SH3TC1: variants seen among roughly 807,000 people sequenced by gnomAD.
SH3TC1 encodes the protein SH3 domain and tetratricopeptide repeat-containing protein 1.
SH3TC1 carries 135 observed loss-of-function variants against 117.3 expected under a neutral mutation model. That is an observed-to-expected ratio of 1.15 (90% CI 1.00 to 1.33). The LOEUF is 1.33. Among genes scored for constraint, SH3TC1 ranks in the 40% most tolerant of loss-of-function variants. The probability of loss-of-function intolerance (pLI) is 0.00; values close to 1 mark genes in which losing one functional copy is unlikely to be tolerated. For missense variants in SH3TC1, 2,092 were observed against 1,794.3 expected, an observed-to-expected ratio of 1.17 and a Z score of -3.00; for synonymous variants, 898 against 816.9, an observed-to-expected ratio of 1.10 and a Z score of -1.69.
intron 1 of SH3TC1, among the ~76,000 whole-genome samples, chr4:8,188,114 A>T (rs1717286623): frequency 6.6e-6 from 1 of 152,142 alleles, no homozygotes; most frequent in Non-Finnish European, 1.5e-5. Context: ...CAAATATTTC[A>T]CGTGTGGAGG....
Position 8,225,329 on chromosome 4 carries a change from T to C in SH3TC1, c.1285+113T>C, listed in dbSNP as rs1720362224. 1.7e-6 allele frequency: 2 copies of C among 1,210,474 alleles called. No individual in the cohort carries two copies. Among genetic ancestry groups the C allele is most frequent in the East Asian group, 5.1e-5 (2 of 39,026 alleles). The allele number at this position is 1,210,474 out of a possible 1,614,324, so 75.0% of individuals were successfully genotyped here. On this transcript the variant is annotated intron_variant, in intron 11 of 17. Transcript: ENST00000245105. This position sits in a 1 kb window ranked among gnomAD's most constrained non-coding sequence, Gnocchi z 5.5. ...GGGCATTGGGTGCGGCTGTCACCCCTCTGTGGTGTGGGCTGGGGGCTTGGG... is the reference window on the plus strand; with the variant it reads ...GGGCATTGGGTGCGGCTGTCACCCCCCTGTGGTGTGGGCTGGGGGCTTGGG...
Position 8,232,163 on chromosome 4 carries a change from G to T in SH3TC1, c.3131+7G>T, listed in dbSNP as rs1309806183. On this transcript the variant is annotated splice_region_variant and intron_variant, in intron 13 of 17. Transcript: ENST00000245105. ...TGTCCCTGGGCACCGAGCGGTGAGG[G>T]CTGGCTCTGTGGTGGTGGGGGCGGG... 1.5e-6 allele frequency: 2 copies of T among 1,334,342 alleles called. No homozygotes were observed. The highest frequency in any genetic ancestry group is 1.5e-5 in the African/African-American group (1 of 64,664). The allele number at this position is 1,334,342 out of a possible 1,614,324, so 82.7% of individuals were successfully genotyped here.
Position 8,219,550 on chromosome 4 carries a change from C to T in SH3TC1, c.1112+20C>T, listed in dbSNP as rs946990386. ...GTCCGAGTGAGTGGCTGGAGCCCCG[C>T]CCCTTTCCTGAACCCACCCCCATCT... On this transcript the variant is annotated intron_variant, in intron 9 of 17. Coordinates refer to ENST00000245105, the MANE Select transcript of SH3TC1 (RefSeq NM_018986.5). 2 of 1,501,690 alleles carry T rather than the reference C, an allele frequency of 1.3e-6. No homozygotes were observed. The highest frequency in any genetic ancestry group is 1.8e-6 in the Non-Finnish European group (2 of 1,119,378). The allele number at this position is 1,501,690 out of a possible 1,614,324, so 93.0% of individuals were successfully genotyped here. A position where few individuals can be genotyped will look rare whatever the true frequency, so the allele number is the denominator to read the frequency against.
chr4:8,218,731 G>A (rs953341883), intron 8 of SH3TC1, among the ~76,000 whole-genome samples: 2 of 152,270 alleles, frequency 1.3e-5, no homozygotes, highest in Non-Finnish European at 2.9e-5. Flanking sequence ...CGCCTGGAAG[G>A]CCCTGGGCCG....
At position 8,240,687 on chromosome 4, in the gene SH3TC1, G is replaced by A. The variant is rs754756963; in HGVS notation, c.3754-11G>A. On this transcript the variant is annotated splice_polypyrimidine_tract_variant and intron_variant, in intron 17 of 17. Transcript: ENST00000245105. ...GTCCCCCTTTTGCTGAGCATGGCCT[G>A]TCCCCTTCAGGACCCGTTTGATGCA... 1.1e-5 allele frequency: 18 copies of A among 1,613,874 alleles called. No individual in the cohort carries two copies. Among genetic ancestry groups the A allele is most frequent in the Admixed American group, 3.3e-5 (2 of 60,026 alleles).
Position 8,183,060 on chromosome 4 carries a change from G to A in SH3TC1, c.-57+850G>A, listed in dbSNP as rs1717121313. Among the ~76,000 whole-genome samples, 1 of 152,164 alleles carries A rather than the reference G, an allele frequency of 6.6e-6. No homozygotes were observed. Among genetic ancestry groups the A allele is most frequent in the African/African-American group, 2.4e-5 (1 of 41,442 alleles). On this transcript the variant is annotated intron_variant, in intron 1 of 16. Transcript: ENST00000508641. The surrounding 1 kb of genome is among the most constrained non-coding windows in gnomAD (Gnocchi z 5.4). ...AGAGGAGAGGCTGCCCTGGGGGTGA[G>A]GGGGATCCATGGCCCCTGGCAAGGG...
intron 15 of SH3TC1, 123 bp downstream of exon 15, chr4:8,235,678 T>C (rs1322021440): frequency 2.2e-6 from 3 of 1,335,590 alleles, no homozygotes; most frequent in East Asian, 2.5e-5. Context: ...ACATGCTTAG[T>C]TTCCTAGTGG....
Position 8,212,804 on chromosome 4 carries a change from C to A in SH3TC1, c.351C>A (p.Ser117Arg). Reference sequence around the variant, plus strand: ...AGCTCCGCCTGCTGGAGAATGATAGCCGGGAGATGGCCCGCGTGCTTGGGG... The same window carrying A: ...AGCTCCGCCTGCTGGAGAATGATAGACGGGAGATGGCCCGCGTGCTTGGGG... The part of the protein sequence containing the change: ...RGQLRLLEND[S>R]REMARVLGEL... Residue 117 changes from serine to arginine, a missense_variant, in exon 4 of 18, where the codon AGC becomes AGA. Coordinates refer to ENST00000245105, the MANE Select transcript of SH3TC1 (RefSeq NM_018986.5). 6.2e-7 allele frequency: 1 copy of A among 1,600,486 alleles called. No individual in the cohort carries two copies. Among genetic ancestry groups the A allele is most frequent in the Non-Finnish European group, 8.5e-7 (1 of 1,173,942 alleles).
chr4:8,232,156 G>T lies in SH3TC1; in HGVS notation c.3131G>T (p.Arg1044Leu). 7.2e-7 allele frequency: 1 copy of T among 1,382,500 alleles called. No homozygotes were observed. Among genetic ancestry groups the T allele is most frequent in the South Asian group, 1.1e-5 (1 of 87,426 alleles). 85.6% of individuals were successfully genotyped at this position (1,382,500 alleles called of 1,614,324 possible). A position where few individuals can be genotyped will look rare whatever the true frequency, so the allele number is the denominator to read the frequency against. ...SQLYLSLGTE[R>L]AYKSALDYTK... ...CTCTACCTGTCCCTGGGCACCGAGC[G>T]GTGAGGGCTGGCTCTGTGGTGGTGG... The change falls in exon 13 of 18, where the codon CGG becomes CTG. Residue 1044 changes from arginine to leucine, a missense_variant and splice_region_variant. By Grantham distance (102) the Arg-to-Leu change is moderately radical. Coordinates refer to ENST00000245105, the MANE Select transcript of SH3TC1 (RefSeq NM_018986.5).
intron 1 of SH3TC1, among the ~76,000 whole-genome samples, chr4:8,193,840 G>C (rs1313962559): frequency 1.3e-5 from 2 of 152,226 alleles, no homozygotes; most frequent in Non-Finnish European, 2.9e-5. Flanking sequence ...GACCCCTGCT[G>C]GTATGGGGGC....
At chr4:8,239,926 G>T (rs1446664927) in intron 17 of SH3TC1, among the ~76,000 whole-genome samples, 1 of 152,234 alleles carries the variant, frequency 6.6e-6, no homozygotes, top group Non-Finnish European at 1.5e-5. Flanking sequence ...GGCCCTTCTC[G>T]CACCCCTGCC....
intron 14 of SH3TC1, 109 bp from the exon 15 acceptor site, chr4:8,235,324 T>G: frequency 7.6e-7 from 1 of 1,309,358 alleles, no homozygotes; most frequent in Non-Finnish European, 9.9e-7. Context: ...AAGGCTCAGT[T>G]GCACCTGCAG....
intron 12 of SH3TC1, chr4:8,231,726 T>C (rs1721237292): frequency 1.9e-6 from 1 of 531,754 alleles, no homozygotes; most frequent in Admixed American, 3.5e-5. Context: ...GAAGCAGAAA[T>C]AGATGGCCTG....
intron 4 of SH3TC1, 46 bp from the exon 5 acceptor site, chr4:8,214,429 C>T (rs778462897): frequency 1.9e-6 from 3 of 1,573,212 alleles, no homozygotes; most frequent in Non-Finnish European, 1.7e-6. Context: ...GACAGATGCC[C>T]CAGAGCTCCT....
chr4:8,213,024 G>A (rs1350491614), intron 4 of SH3TC1, 196 bp downstream of exon 4: 3 of 683,868 alleles, frequency 4.4e-6, no homozygotes, highest in Non-Finnish European at 7.1e-6. Flanking sequence ...CACTTGCTTT[G>A]TGGAGGGCAC....
At chr4:8,235,149 T>C (rs1721687681) in intron 14 of SH3TC1, among the ~76,000 whole-genome samples, 1 of 152,146 alleles carries the variant, frequency 6.6e-6, no homozygotes, top group Non-Finnish European at 1.5e-5. Context: ...CCATGGAGGC[T>C]GGTTTGAGTG....
intron 15 of SH3TC1, 146 bp from the exon 16 acceptor site, chr4:8,236,132 C>T (rs949919056): frequency 2.5e-5 from 26 of 1,059,402 alleles, no homozygotes; most frequent in South Asian, 1.1e-4. Flanking sequence ...GTGTCTGAAC[C>T]GCCCTTTATC....
At position 8,226,782 on chromosome 4, in the gene SH3TC1, C is replaced by T. The variant is rs138725609; in HGVS notation, c.1286-198C>T. Among the ~76,000 whole-genome samples the T allele has an allele frequency of 4.7e-4, 72 of 152,312 alleles. 1 individual carries two copies. Among genetic ancestry groups the T allele is most frequent in the East Asian group, 2.1e-3 (11 of 5,176 alleles). On this transcript the variant is annotated intron_variant, in intron 11 of 17. Transcript: ENST00000245105. ...TGTGTTTTCCCTGTCCCCACAGTGC[C>T]GGAGTTCCTATGTGCTCCAGGCCCT...
In SH3TC1 at chr4:8,219,325, T is replaced by C. The variant is rs1345733285; in HGVS notation, c.917-10T>C. The C allele has an allele frequency of 6.4e-7, 1 of 1,569,398 alleles. No homozygotes were observed. The stretch of plus-strand genomic sequence containing the variant: ...CTCCCTGGCACTCACCATGTGGCTT[T>C]CTTCCGCAGCTGTGGGCCTGGCCTC... On this transcript the variant is annotated splice_polypyrimidine_tract_variant and intron_variant, in intron 8 of 17. Transcript: ENST00000245105.
Sources: allele counts gnomAD v4.1 joint callset (sites outside exome capture counted in the v4.1 genomes callset), GRCh38; gene constraint gnomAD v4.1.1; non-coding constraint Gnocchi (gnomAD v3.1); transcripts MANE v1.5; gene names NCBI Gene and HGNC (gene_info 2026-07-23, HGNC 2026-07-21).